GRIK3: variants seen among roughly 807,000 people sequenced by gnomAD.
The protein encoded by GRIK3 is glutamate receptor ionotropic, kainate 3.
Under a neutral mutation model 102.5 loss-of-function variants are expected in GRIK3, and 29 were observed. That is an observed-to-expected ratio of 0.28 (90% CI 0.21 to 0.39). The LOEUF (loss-of-function observed/expected upper bound fraction) is 0.39. Among genes scored for constraint, GRIK3 ranks in the 10% least tolerant of loss-of-function variants. The probability of loss-of-function intolerance (pLI) is 1.00; values close to 1 mark genes in which losing one functional copy is unlikely to be tolerated. For missense variants in GRIK3, 908 were observed against 1,252.4 expected (o/e 0.73, Z 4.15); for synonymous variants, 511 against 504.9 (o/e 1.01, Z -0.16).
chr1:36,960,919 G>T (rs1018754267), intron 1 of GRIK3, among the ~76,000 whole-genome samples: 1 of 152,196 alleles, frequency 6.6e-6, no homozygotes, highest in African/African-American at 2.4e-5. Context: ...CCCTCAGAGA[G>T]GAAAGAGTGC....
intron 1 of GRIK3, among the ~76,000 whole-genome samples, chr1:37,030,412 G>T (rs1443047991): frequency 6.6e-6 from 1 of 152,150 alleles, no homozygotes; most frequent in Non-Finnish European, 1.5e-5. Flanking sequence ...TCTCTCCCCA[G>T]GGATCGGCTG....
At chr1:36,994,233 C>T (rs949425605) in intron 1 of GRIK3, among the ~76,000 whole-genome samples, 2 of 152,146 alleles carry the variant, frequency 1.3e-5, no homozygotes, top group Non-Finnish European at 2.9e-5. Flanking sequence ...CCTTGGTATC[C>T]CCATCTGTCA....
At position 36,880,626 on chromosome 1, in the gene GRIK3, C is replaced by T. The variant is rs1640961967; in HGVS notation, c.550+8G>A. The T allele has an allele frequency of 1.2e-6, 2 of 1,613,382 alleles. No homozygotes were observed. Among genetic ancestry groups the T allele is most frequent in the Non-Finnish European group, 1.7e-6 (2 of 1,179,398 alleles). On this transcript the variant is annotated splice_region_variant and intron_variant, in intron 3 of 15. Coordinates refer to ENST00000373091, the MANE Select transcript of GRIK3 (RefSeq NM_000831.4). The surrounding 1 kb of genome is among the most constrained non-coding windows in gnomAD (Gnocchi z 5.4). ...TTGCCCCCAGCCTAGCCAGGCCTGG[C>T]CACCCACCTGTACTGTCGTCATAGA... is the stretch of plus-strand genomic sequence containing the variant.
chr1:36,900,742 T>A (rs964103549), intron 1 of GRIK3, among the ~76,000 whole-genome samples: 2 of 151,856 alleles, frequency 1.3e-5, no homozygotes, highest in Non-Finnish European at 2.9e-5. Flanking sequence ...GAAATCAATA[T>A]AAAAATATCA....
At chr1:36,947,637 T>C (rs1162112229) in intron 1 of GRIK3, among the ~76,000 whole-genome samples, 2 of 152,126 alleles carry the variant, frequency 1.3e-5, no homozygotes, top group Non-Finnish European at 2.9e-5. Flanking sequence ...AGAGAAGATG[T>C]GGAAAGAGCT....
intron 1 of GRIK3, among the ~76,000 whole-genome samples, chr1:36,974,145 C>T (rs1332775193): frequency 2.0e-5 from 3 of 152,200 alleles, no homozygotes; most frequent in Admixed American, 6.5e-5. Flanking sequence ...AGTTTCTCCA[C>T]ACCTGCACTC....
At chr1:36,979,572 G>A (rs914580025) in intron 1 of GRIK3, among the ~76,000 whole-genome samples, 1 of 152,238 alleles carries the variant, frequency 6.6e-6, no homozygotes, top group African/African-American at 2.4e-5. Context: ...CTTAGACACA[G>A]ATGATTGGGT....
At position 36,841,894 on chromosome 1, in the gene GRIK3, C is replaced by T. The variant is rs377447344; in HGVS notation, c.1372G>A (p.Gly458Arg). 18 of 1,614,084 alleles carry T rather than the reference C, an allele frequency of 1.1e-5. No homozygotes were observed. The African/African-American group carries it at 1.3e-4, about 12-fold the overall frequency. The change falls in exon 10 of 16, where the codon GGG (glycine) becomes AGG (arginine). Residue 458 changes from glycine (G) to arginine (R), a missense_variant. Gly to Arg is a moderately radical substitution (Grantham distance 125). Coordinates refer to ENST00000373091, the MANE Select transcript of GRIK3 (RefSeq NM_000831.4). ...CAGTAGCCCTCGAACCGGTCATTCC[C>T]GTATAGCGTCCTGTCTGATTTCCGA... Reference protein sequence around the residue: ...MFRKSDRTLYGNDRFEGYCID... With the variant: ...MFRKSDRTLYRNDRFEGYCID...
rs192391643 is a variant in GRIK3 at position 36,853,014 on chromosome 1, G to A, written c.1212+601C>T. Among the ~76,000 whole-genome samples the A allele has an allele frequency of 2.3e-3, 350 of 152,324 alleles. 2 individuals carry two copies. Among genetic ancestry groups the A allele is most frequent in the Admixed American group, 7.7e-3 (118 of 15,304 alleles). On this transcript the variant is annotated intron_variant, in intron 8 of 15. Coordinates refer to ENST00000373091, the MANE Select transcript of GRIK3 (RefSeq NM_000831.4). ...GGAGGCCCCAGCCCCAGGCAGGCCCGCTTTCCTGGTCCAAACTCTCTGGAA... is the reference window on the plus strand; with the variant it reads ...GGAGGCCCCAGCCCCAGGCAGGCCCACTTTCCTGGTCCAAACTCTCTGGAA...
intron 3 of GRIK3, among the ~76,000 whole-genome samples, chr1:36,879,820 G>C (rs970042432): frequency 6.6e-6 from 1 of 152,150 alleles, no homozygotes; most frequent in South Asian, 2.1e-4. Flanking sequence ...TCATAGCCAC[G>C]GGCCCCAGAG....
chr1:37,026,018 T>C (rs1452832554), intron 1 of GRIK3, among the ~76,000 whole-genome samples: 1 of 152,134 alleles, frequency 6.6e-6, no homozygotes, highest in Non-Finnish European at 1.5e-5. Flanking sequence ...AGAGCTAAAG[T>C]GTCTATCCCC....
Position 36,799,659 on chromosome 1 carries a change from A to C in GRIK3, c.*2192T>G, listed in dbSNP as rs1276272256. 2 of 152,178 alleles carry C rather than the reference A, an allele frequency of 1.3e-5. No homozygotes were observed. The highest frequency in any genetic ancestry group is 3.9e-4 in the East Asian group (2 of 5,190). 9.4% of individuals were successfully genotyped at this position (152,178 alleles called of 1,614,324 possible). On this transcript the variant is annotated 3_prime_UTR_variant, in exon 16 of 16. Transcript: ENST00000373091. ...CACCTATGCATGCATGCATGCTTAC[A>C]TATGCATACCCACCAGGGCCCCATT...
chr1:36,886,982 T>C (rs1034576329), intron 2 of GRIK3, among the ~76,000 whole-genome samples: 3 of 152,392 alleles, frequency 2.0e-5, no homozygotes, highest in Non-Finnish European at 4.4e-5. Flanking sequence ...TATCCGAATC[T>C]ATCCATTCTC....
At chr1:36,973,287 A>G (rs1642162871) in intron 1 of GRIK3, among the ~76,000 whole-genome samples, 1 of 152,078 alleles carries the variant, frequency 6.6e-6, no homozygotes, top group Non-Finnish European at 1.5e-5. Context: ...GGCCTAGGAA[A>G]GTGCTTGCTA....
At chr1:36,853,536 C>G in intron 8 of GRIK3, 79 bp downstream of exon 8, 1 of 917,412 alleles carries the variant, frequency 1.1e-6, no homozygotes, top group Non-Finnish European at 1.8e-6. Flanking sequence ...TGCCTCTGGG[C>G]CTCTGACTGA....
chr1:36,934,421 T>G (rs1280658803), intron 1 of GRIK3, among the ~76,000 whole-genome samples: 2 of 152,252 alleles, frequency 1.3e-5, no homozygotes, highest in African/African-American at 2.4e-5. Flanking sequence ...CATGGTGATC[T>G]TGTTTCATTT....
intron 1 of GRIK3, among the ~76,000 whole-genome samples, chr1:36,892,818 T>C (rs1245694875): frequency 6.6e-6 from 1 of 152,176 alleles, no homozygotes; most frequent in Non-Finnish European, 1.5e-5. Flanking sequence ...CATGTTCTAA[T>C]AGCATATGAA....
intron 13 of GRIK3, among the ~76,000 whole-genome samples, chr1:36,812,106 G>A (rs556316003): frequency 6.6e-6 from 1 of 152,146 alleles, no homozygotes; most frequent in Admixed American, 6.5e-5. Context: ...GATGGGTCAG[G>A]AGAAGCTGGA....
intron 1 of GRIK3, among the ~76,000 whole-genome samples, chr1:37,030,548 T>TCCCC (rs942714510): frequency 1.2e-4 from 7 of 59,086 alleles, no homozygotes; most frequent in African/African-American, 3.5e-4. Flanking sequence ...CCCCACCCCC[T>TCCCC]CCCCCCCCCC....
Sources: allele counts gnomAD v4.1 joint callset (sites outside exome capture counted in the v4.1 genomes callset), GRCh38; gene constraint gnomAD v4.1.1; non-coding constraint Gnocchi (gnomAD v3.1); transcripts MANE v1.5; gene names NCBI Gene and HGNC (gene_info 2026-07-23, HGNC 2026-07-21).